Variants in SLC9C1 observed in about 807,000 individuals in gnomAD.
SLC9C1 encodes sodium/hydrogen exchanger 10.
SLC9C1 carries 97 observed loss-of-function variants against 140.9 expected under a neutral mutation model. The ratio of observed to expected loss-of-function variants is 0.69; its 90% CI spans 0.58 to 0.82. SLC9C1 has a LOEUF of 0.82. Among genes scored for constraint, SLC9C1 ranks in the 40% least tolerant of loss-of-function variants. The probability of loss-of-function intolerance (pLI) is 0.00; values close to 1 mark genes in which losing one functional copy is unlikely to be tolerated. For missense variants in SLC9C1, 1,340 were observed against 1,389.3 expected (o/e 0.96, Z 0.56); for synonymous variants, 440 against 442.6 (o/e 0.99, Z 0.07).
chr3:112,246,757 C>G (rs1269730049), intron 10 of SLC9C1, among the ~76,000 whole-genome samples: 1 of 152,170 alleles, frequency 6.6e-6, no homozygotes, highest in Non-Finnish European at 1.5e-5. Flanking sequence ...CTTGCCTGTG[C>G]TAAGAGTTTA....
At chr3:112,231,536 T>C (rs1433093540) in intron 12 of SLC9C1, 50 bp from the exon 13 acceptor site, 1 of 1,462,302 alleles carries the variant, frequency 6.8e-7, no homozygotes. Context: ...TATTAACATA[T>C]TGTTTAGCAA....
chr3:112,215,267 A>C (rs2078327568), intron 15 of SLC9C1, among the ~76,000 whole-genome samples: 1 of 152,240 alleles, frequency 6.6e-6, no homozygotes, highest in East Asian at 1.9e-4. Flanking sequence ...GAATGGGCAA[A>C]AACTGAAAGC....
chr3:112,241,285 T>C (rs1406123115), intron 11 of SLC9C1, among the ~76,000 whole-genome samples: 4 of 152,070 alleles, frequency 2.6e-5, no homozygotes, highest in African/African-American at 9.7e-5. Context: ...ACATCTCGGG[T>C]ACCCCACAAA....
At position 112,228,734 on chromosome 3, in the gene SLC9C1, T is replaced by G. The variant is rs2078744434; in HGVS notation, c.1572+2627A>C. Among the ~76,000 whole-genome samples the G allele has an allele frequency of 2.6e-5, 4 of 152,164 alleles. No individual in the cohort carries two copies. The South Asian group carries it at 8.3e-4, about 32-fold the overall frequency. On this transcript the variant is annotated intron_variant, in intron 13 of 28. Transcript: ENST00000305815. ...ATGATTTAAAAATGAGCAAAGGATC[T>G]GAATAGACATTTCTCAAAGACACAA... is the stretch of plus-strand genomic sequence containing the variant.
intron 26 of SLC9C1, among the ~76,000 whole-genome samples, chr3:112,162,189 C>T (rs1033517967): frequency 5.9e-5 from 9 of 152,292 alleles, no homozygotes; most frequent in African/African-American, 2.2e-4. Flanking sequence ...ATGGGGTTAT[C>T]TAGATATACA....
At chr3:112,196,237 A>C (rs972288557) in intron 20 of SLC9C1, among the ~76,000 whole-genome samples, 2 of 151,786 alleles carry the variant, frequency 1.3e-5, no homozygotes, top group African/African-American at 4.8e-5. Context: ...CTGGCCTCCA[A>C]GTTTTCGGGT....
At chr3:112,217,160 A>G (rs776533999) in intron 15 of SLC9C1, among the ~76,000 whole-genome samples, 1 of 152,014 alleles carries the variant, frequency 6.6e-6, no homozygotes, top group Non-Finnish European at 1.5e-5. Flanking sequence ...AACAATGAGA[A>G]CACTTGGACA....
At chr3:112,214,819 A>C (rs1448761151) in intron 15 of SLC9C1, among the ~76,000 whole-genome samples, 4 of 152,240 alleles carry the variant, frequency 2.6e-5, no homozygotes, top group African/African-American at 9.6e-5. Context: ...AGACTATTTC[A>C]ATCAATAGAA....
rs552220789 is a variant in SLC9C1, at chr3:112,179,828, AT to A, written c.2749-128del. 3.2e-4 allele frequency: 229 copies of A among 708,508 alleles called. 1 individual carries two copies. In the African/African-American group the frequency reaches 4.0e-3, roughly 13 times the overall value. The allele number at this position is 708,508 out of a possible 1,614,324, so 43.9% of individuals were successfully genotyped here. ...TTTACATATTGTCTTGAGAATAAAT[AT>A]TTTATTTCTTTTTAAGTAAAATTAT... On this transcript the variant is annotated intron_variant, in intron 22 of 28. Transcript: ENST00000305815.
chr3:112,200,723 T>A lies in SLC9C1; in HGVS notation c.2362A>T (p.Ile788Leu). The change falls in exon 19 of 29, where the codon ATA becomes TTA. Residue 788 changes from isoleucine (I) to leucine (L), a missense_variant. Transcript: ENST00000305815. ...GAGAGCTACTTACCTAGCTCTTTTA[T>A]AGCATGTTCCATATTCCTTATCACT... ...KQVIRNMEHA[I>L]KELGYLEYDH... is the part of the protein sequence containing the mutation. 3 of 1,610,022 alleles carry A rather than the reference T, an allele frequency of 1.9e-6. No homozygotes were observed. The highest frequency in any genetic ancestry group is 2.5e-6 in the Non-Finnish European group (3 of 1,178,174).
intron 1 of SLC9C1, among the ~76,000 whole-genome samples, chr3:112,292,509 AT>A (rs1464574588): frequency 6.6e-6 from 1 of 152,162 alleles, no homozygotes; most frequent in African/African-American, 2.4e-5. Context: ...TGTTAAATGT[AT>A]GGGTAAGGAA....
chr3:112,242,602 T>C (rs1440531405), intron 11 of SLC9C1, among the ~76,000 whole-genome samples: 2 of 152,042 alleles, frequency 1.3e-5, no homozygotes, highest in African/African-American at 2.4e-5. Context: ...ATGAAAAAGA[T>C]CTGGCATTTG....
intron 20 of SLC9C1, among the ~76,000 whole-genome samples, chr3:112,195,881 T>C (rs2077758589): frequency 6.6e-6 from 1 of 152,156 alleles, no homozygotes; most frequent in African/African-American, 2.4e-5. Flanking sequence ...TAACTGTTTT[T>C]AGTAGAAATA....
At chr3:112,174,898 C>A (rs1395886130) in intron 23 of SLC9C1, among the ~76,000 whole-genome samples, 1 of 151,714 alleles carries the variant, frequency 6.6e-6, no homozygotes, top group Non-Finnish European at 1.5e-5. Context: ...AAGTGAGGAT[C>A]TGGATCTGCG....
intron 12 of SLC9C1, among the ~76,000 whole-genome samples, chr3:112,232,719 A>C (rs11917180): frequency 0.3 from 44,858 of 151,904 alleles, 7,160 homozygotes; most frequent in East Asian, 0.42. Flanking sequence ...AAAGTGCAGC[A>C]GCTGTGAAGA....
chr3:112,243,612 T>C (rs1474759617), intron 11 of SLC9C1, among the ~76,000 whole-genome samples: 2 of 152,050 alleles, frequency 1.3e-5, no homozygotes, highest in Non-Finnish European at 2.9e-5. Context: ...AATATACCCA[T>C]GTAACCAACC....
chr3:112,261,134 C>T (rs1030157808), intron 10 of SLC9C1, among the ~76,000 whole-genome samples: 1 of 152,100 alleles, frequency 6.6e-6, no homozygotes, highest in African/African-American at 2.4e-5. Flanking sequence ...TCTAACCAGG[C>T]AATGTCCCTT....
At chr3:112,267,575 C>CAAAAGA (rs2079955516) in intron 7 of SLC9C1, among the ~76,000 whole-genome samples, 1 of 56,852 alleles carries the variant, frequency 1.8e-5, no homozygotes, top group Non-Finnish European at 3.0e-5. Context: ...GACTCCGTCT[C>CAAAAGA]AAAAAAAAAA....
At chr3:112,163,220 C>T (rs1166189517) in intron 26 of SLC9C1, among the ~76,000 whole-genome samples, 4 of 147,752 alleles carry the variant, frequency 2.7e-5, no homozygotes, top group Admixed American at 6.7e-5. Flanking sequence ...TTCAAAAAAC[C>T]AGCTCCTGGA....
Sources: allele counts gnomAD v4.1 joint callset (sites outside exome capture counted in the v4.1 genomes callset), GRCh38; gene constraint gnomAD v4.1.1; transcripts MANE v1.5; gene names NCBI Gene and HGNC (gene_info 2026-07-23, HGNC 2026-07-21).